The following KLC1 variants were observed in gnomAD, a reference collection of about 807,000 sequenced individuals.
KLC1 encodes the protein kinesin 2 60/70kDa.
In KLC1, 30 loss-of-function variants were observed where a neutral mutation model predicts 84.2. The ratio of observed to expected loss-of-function variants is 0.36; its 90% CI spans 0.27 to 0.48. The LOEUF (loss-of-function observed/expected upper bound fraction) is 0.48, where lower values mean the gene tolerates loss of function less well. Among genes scored for constraint, KLC1 ranks in the 20% least tolerant of loss-of-function variants. KLC1 has a pLI of 0.99. For missense variants in KLC1, 499 were observed against 805.4 expected (o/e 0.62, Z 4.60); for synonymous variants, 289 against 293.3 (o/e 0.99, Z 0.15).
At chr14:103,686,284 C>T (rs1042849089) in intron 13 of KLC1, 9 of 922,620 alleles carry the variant, frequency 9.8e-6, no homozygotes, top group African/African-American at 1.8e-5. Context: ...CATGAAACGC[C>T]GCATGGCACA....
chr14:103,678,615 G>A (rs375663418), intron 12 of KLC1, among the ~76,000 whole-genome samples: 1 of 151,362 alleles, frequency 6.6e-6, no homozygotes, highest in African/African-American at 2.4e-5. Context: ...GCTTGAACCC[G>A]GGAGCTGGAG....
intron 14 of KLC1, among the ~76,000 whole-genome samples, chr14:103,691,150 C>T (rs1238645338): frequency 7.6e-6 from 1 of 132,334 alleles, no homozygotes; most frequent in East Asian, 2.3e-4. Flanking sequence ...AGATGGTTCC[C>T]CCCACTTTTT....
chr14:103,695,412 C>T (rs1396290433), intron 15 of KLC1: 1 of 984,378 alleles, frequency 1.0e-6, no homozygotes, highest in Non-Finnish European at 1.2e-6. Flanking sequence ...AGCCAACCCC[C>T]CCCAAAAAAA....
chr14:103,629,745 G>A (rs1340966392), intron 1 of KLC1, among the ~76,000 whole-genome samples: 1 of 148,644 alleles, frequency 6.7e-6, no homozygotes, highest in East Asian at 2.1e-4. Context: ...CCCGGCTCCC[G>A]GCGCCGCGCG....
chr14:103,686,264 A>T (rs2081774370), intron 13 of KLC1: 1 of 978,040 alleles, frequency 1.0e-6, no homozygotes, highest in South Asian at 4.7e-5. Context: ...AGAACTTCTC[A>T]CTCTTTATCC....
intron 1 of KLC1, among the ~76,000 whole-genome samples, chr14:103,631,059 T>A (rs1486855590): frequency 1.3e-5 from 2 of 151,810 alleles, no homozygotes; most frequent in African/African-American, 2.4e-5. Context: ...TCATAGCAAA[T>A]AACTGCAGTC....
chr14:103,658,121 C>T (rs992220788), intron 3 of KLC1, among the ~76,000 whole-genome samples: 1 of 152,188 alleles, frequency 6.6e-6, no homozygotes, highest in African/African-American at 2.4e-5. Context: ...GGTGGGTGCT[C>T]TTGGCATTGC....
At position 103,701,248 on chromosome 14, in the gene KLC1, C is replaced by G. The variant is rs767637490; in HGVS notation, c.*49C>G. The G allele has an allele frequency of 1.3e-6, 2 of 1,545,030 alleles. No homozygotes were observed. The highest frequency in any genetic ancestry group is 8.7e-7 in the Non-Finnish European group (1 of 1,142,912). Reference sequence around the variant, plus strand: ...CAGGATGGGACTGCCGAGTGTGGCCCGGAGCTGGCCCGGGACAGCCAGGGC... The same window carrying G: ...CAGGATGGGACTGCCGAGTGTGGCCGGGAGCTGGCCCGGGACAGCCAGGGC... On this transcript the variant is annotated 3_prime_UTR_variant, in exon 17 of 17. Transcript: ENST00000334553.
In KLC1 at chr14:103,687,060, GT is replaced by G; in HGVS notation, c.1651-18del. On this transcript the variant is annotated intron_variant, in intron 13 of 16. Coordinates refer to ENST00000334553, the MANE Select transcript of KLC1 (RefSeq NM_001394837.1). ...GAGGGAGAACCACCTGCAGCTTCACGTTTGTTCACGTTTTTTTCAGGATGGC... is the reference window on the plus strand; with the variant it reads ...GAGGGAGAACCACCTGCAGCTTCACGTTGTTCACGTTTTTTTCAGGATGGC... The G allele has an allele frequency of 2.0e-6, 3 of 1,511,262 alleles. No homozygotes were observed. The highest frequency in any genetic ancestry group is 2.7e-6 in the Non-Finnish European group (3 of 1,116,004). 93.6% of individuals were successfully genotyped at this position (1,511,262 alleles called of 1,614,324 possible). A position where few individuals can be genotyped will look rare whatever the true frequency, so the allele number is the denominator to read the frequency against.
chr14:103,679,608 C>G lies in KLC1; in HGVS notation c.1650+63C>G, dbSNP rs771721805. 4.7e-6 allele frequency: 6 copies of G among 1,271,210 alleles called. No homozygotes were observed. In the Admixed American group the frequency reaches 5.4e-5, roughly 11 times the overall value. 78.7% of individuals were successfully genotyped at this position (1,271,210 alleles called of 1,614,324 possible). Reference sequence around the variant, plus strand: ...CGCCCCCAAGTGGCGCTTGCCAGGCCTTCCTCCTGTCTCATGTGCTAGACC... The same window carrying G: ...CGCCCCCAAGTGGCGCTTGCCAGGCGTTCCTCCTGTCTCATGTGCTAGACC... On this transcript the variant is annotated intron_variant, in intron 13 of 16. Transcript: ENST00000334553.
At chr14:103,675,845 TGTAGTGTTCCTTAAGTGCA>T in intron 11 of KLC1, 89 bp downstream of exon 11, 2 of 1,056,568 alleles carry the variant, frequency 1.9e-6, no homozygotes, top group Admixed American at 1.9e-5. Context: ...ATGACCAATG[TGTAGTGTTCCTTAAGTGCA>T]CAGTCCCATG....
chr14:103,691,861 A>T (rs146138207), intron 14 of KLC1, among the ~76,000 whole-genome samples: 2,785 of 151,604 alleles, frequency 0.018, 78 homozygotes, highest in African/African-American at 0.059. Flanking sequence ...AGCCTTGACC[A>T]CCTGGGCTCA....
intron 1 of KLC1, among the ~76,000 whole-genome samples, chr14:103,639,060 G>C (rs931681253): frequency 6.6e-6 from 1 of 152,162 alleles, no homozygotes; most frequent in Non-Finnish European, 1.5e-5. Context: ...GAATTATAAT[G>C]ATAGGTCATC....
intron 13 of KLC1, chr14:103,679,921 C>G (rs551409487): frequency 5.5e-6 from 1 of 182,486 alleles, no homozygotes; most frequent in Admixed American, 6.0e-5. Flanking sequence ...CTTCACTGAC[C>G]AGGCTGCTCT....
intron 1 of KLC1, among the ~76,000 whole-genome samples, chr14:103,642,318 A>G (rs940785692): frequency 6.6e-6 from 1 of 152,096 alleles, no homozygotes; most frequent in East Asian, 1.9e-4. Flanking sequence ...TCCTAAAAGC[A>G]TTACTCTAGG....
intron 16 of KLC1, 150 bp downstream of exon 16, chr14:103,700,877 T>TC (rs1311412045): frequency 1.2e-5 from 8 of 683,888 alleles, no homozygotes; most frequent in African/African-American, 5.5e-5. Flanking sequence ...TGGCTCAGGG[T>TC]CCCCATCCTC....
At chr14:103,629,848 G>A (rs1595171426) in intron 1 of KLC1, among the ~76,000 whole-genome samples, 2 of 152,272 alleles carry the variant, frequency 1.3e-5, no homozygotes, top group Non-Finnish European at 1.5e-5. Context: ...CCCTGCTGCG[G>A]GCGGCGGCGG....
Position 103,679,424 on chromosome 14 carries a change from T to C in KLC1, c.1529T>C (p.Leu510Pro). 1 of 1,614,014 alleles carries C rather than the reference T, an allele frequency of 6.2e-7. No homozygotes were observed. Among genetic ancestry groups the C allele is most frequent in the Middle Eastern group, 1.6e-4 (1 of 6,062 alleles). The change falls in exon 13 of 17, where the codon CTC becomes CCC. Residue 510 changes from leucine (L) to proline (P), a missense_variant. This residue lies in a region of KLC1 where 167 missense variants were observed against 208.8 expected (regional missense o/e 0.80). Coordinates refer to ENST00000334553, the MANE Select transcript of KLC1 (RefSeq NM_001394837.1). The stretch of plus-strand genomic sequence containing the variant: ...CACAAACAGAGGGTGGCAGAAGTGC[T>C]CAATGACCCTGAGAACATGGAGAAG... Reference protein sequence around the residue: ...NVHKQRVAEVLNDPENMEKRR... With the variant: ...NVHKQRVAEVPNDPENMEKRR...
chr14:103,679,777 A>C, intron 13 of KLC1: 1 of 485,342 alleles, frequency 2.1e-6, no homozygotes, highest in Non-Finnish European at 3.7e-6. Flanking sequence ...TGAGCACTTA[A>C]ATGCTGATTG....
Sources: gnomAD v4.1 joint callset for allele counts (sites outside exome capture counted in the v4.1 genomes callset) on GRCh38, gnomAD v4.1.1 for gene constraint, gnomAD v4.1.1 regional missense constraint, MANE v1.5 for transcripts, NCBI Gene and HGNC (gene_info 2026-07-23, HGNC 2026-07-21) for gene names.